The following ANXA6 variants were observed in gnomAD, a reference collection of about 807,000 sequenced individuals.
ANXA6 encodes 67 kDa calelectrin.
In ANXA6, 71 loss-of-function variants were observed where a neutral mutation model predicts 95.4. The observed-to-expected ratio is 0.74, with a 90% CI of 0.61 to 0.91. The LOEUF (loss-of-function observed/expected upper bound fraction) is 0.91, where lower values mean the gene tolerates loss of function less well. Ranked by LOEUF, ANXA6 falls within the 40% of genes least tolerant of loss-of-function variation. ANXA6 has a pLI of 0.00. For synonymous variants in ANXA6, 289 were observed against 315.9 expected (o/e 0.91, Z 0.90); for missense variants, 830 against 876.4 (o/e 0.95, Z 0.67).
rs542316446 is a variant in ANXA6 at position 151,136,445 on chromosome 5, C to A, written c.410-110G>T. Reference sequence around the variant, plus strand: ...CAGATATTTTTAAGAATTCCAAAACCCAGTCTACACGTCCATCATGGCAAG... The same window carrying A: ...CAGATATTTTTAAGAATTCCAAAACACAGTCTACACGTCCATCATGGCAAG... On this transcript the variant is annotated intron_variant, in intron 6 of 25. Coordinates refer to ENST00000354546, the MANE Select transcript of ANXA6 (RefSeq NM_001155.5). The A allele has an allele frequency of 2.4e-4, 232 of 975,960 alleles. 1 individual carries two copies. The South Asian group carries it at 3.3e-3, about 14-fold the overall frequency. 60.5% of individuals were successfully genotyped at this position (975,960 alleles called of 1,614,324 possible).
At chr5:151,127,017 C>G (rs1443199160) in intron 13 of ANXA6, among the ~76,000 whole-genome samples, 1 of 152,238 alleles carries the variant, frequency 6.6e-6, no homozygotes, top group Non-Finnish European at 1.5e-5. Flanking sequence ...TGTGTCCGGC[C>G]AATGCTGGCT....
At chr5:151,154,570 C>T (rs1211750007) in intron 1 of ANXA6, among the ~76,000 whole-genome samples, 4 of 152,262 alleles carry the variant, frequency 2.6e-5, no homozygotes, top group Admixed American at 6.5e-5. Flanking sequence ...GCTTCTCCCC[C>T]GGTCTGCAGG....
At chr5:151,121,876 G>T (rs1370691088) in intron 17 of ANXA6, among the ~76,000 whole-genome samples, 1 of 152,230 alleles carries the variant, frequency 6.6e-6, no homozygotes, top group East Asian at 1.9e-4. Flanking sequence ...GAGAAAGGCT[G>T]CCTGAGAGTG....
chr5:151,109,685 G>A, intron 22 of ANXA6, 68 bp downstream of exon 22: 1 of 1,293,316 alleles, frequency 7.7e-7, no homozygotes, highest in Non-Finnish European at 1.1e-6. Flanking sequence ...GCCACAGAGA[G>A]CTGAGAGGCT....
rs577596241 is a variant in ANXA6, at chr5:151,115,693, C to G, written c.1572+1434G>C. ...ATGAGTGAATGAAATGTGGCCTCAG[C>G]AAGCCACCCTAGTGTCTGGCTGGGT... On this transcript the variant is annotated intron_variant, in intron 20 of 25. Coordinates refer to ENST00000354546, the MANE Select transcript of ANXA6 (RefSeq NM_001155.5). 1.4e-4 allele frequency among the ~76,000 whole-genome samples: 22 copies of G among 152,340 alleles called. No individual in the cohort carries two copies. The South Asian group carries it at 4.4e-3, about 30-fold the overall frequency.
rs1159625470 is a variant in ANXA6 at position 151,119,318 on chromosome 5, T to A, written c.1420A>T (p.Asn474Tyr). The change falls in exon 18 of 26, where the codon AAT becomes TAT. Residue 474 changes from asparagine to tyrosine, a missense_variant. Transcript: ENST00000354546. ...TRTNAEIRAINEAYKEDYHKS... is the reference protein window; with the variant it reads ...TRTNAEIRAIYEAYKEDYHKS... ...AACTCACCCTCCTTATAGGCCTCATTGATGGCCCGGATTTCAGCATTGGTC... is the reference window on the plus strand; with the variant it reads ...AACTCACCCTCCTTATAGGCCTCATAGATGGCCCGGATTTCAGCATTGGTC... The A allele has an allele frequency of 1.2e-6, 2 of 1,613,240 alleles. No individual in the cohort carries two copies. Among genetic ancestry groups the A allele is most frequent in the Admixed American group, 3.3e-5 (2 of 60,000 alleles).
intron 23 of ANXA6, among the ~76,000 whole-genome samples, chr5:151,105,785 T>C (rs952867082): frequency 6.6e-6 from 1 of 152,202 alleles, no homozygotes; most frequent in African/African-American, 2.4e-5. Flanking sequence ...TTCTCATGCC[T>C]CAGATTCCAG....
intron 20 of ANXA6, among the ~76,000 whole-genome samples, chr5:151,116,011 A>G (rs895243879): frequency 3.3e-5 from 5 of 152,260 alleles, no homozygotes; most frequent in Non-Finnish European, 5.9e-5. Flanking sequence ...ATTTTCTTCT[A>G]GTAAAAAGGG....
rs57908704 is a variant in ANXA6, at chr5:151,137,589, C to G, written c.319-268G>C. On this transcript the variant is annotated intron_variant, in intron 5 of 25. Coordinates refer to ENST00000354546, the MANE Select transcript of ANXA6 (RefSeq NM_001155.5). ...GTGGGAGGTGGTTGGATCATGGGGG[C>G]GGTTTCTCATGAATAGTTAGCACCA... Among the ~76,000 whole-genome samples the G allele has an allele frequency of 3.8e-3, 575 of 152,200 alleles. 2 individuals carry two copies. The highest frequency in any genetic ancestry group is 0.013 in the African/African-American group (536 of 41,508).
At chr5:151,113,636 G>A (rs1764915250) in intron 20 of ANXA6, among the ~76,000 whole-genome samples, 3 of 152,058 alleles carry the variant, frequency 2.0e-5, no homozygotes, top group Non-Finnish European at 1.5e-5. Context: ...AATAATATCT[G>A]TAATGTAAAA....
At chr5:151,146,915 C>A (rs1765989250) in intron 2 of ANXA6, among the ~76,000 whole-genome samples, 1 of 152,198 alleles carries the variant, frequency 6.6e-6, no homozygotes, top group East Asian at 1.9e-4. Flanking sequence ...GCCTCCTAAG[C>A]AGCTGGGACT....
intron 2 of ANXA6, among the ~76,000 whole-genome samples, chr5:151,144,158 G>A (rs1429204483): frequency 2.6e-5 from 4 of 152,180 alleles, no homozygotes; most frequent in Admixed American, 6.5e-5. Flanking sequence ...CCTAAGTCAG[G>A]ACCTGGGTAA....
intron 14 of ANXA6, among the ~76,000 whole-genome samples, 169 bp from the exon 15 acceptor site, chr5:151,124,536 TGA>T (rs56708608): frequency 1.1e-3 from 154 of 146,200 alleles, no homozygotes; most frequent in Middle Eastern, 3.5e-3. Flanking sequence ...GCACGAGAGC[TGA>T]GAGAGAGAGA....
chr5:151,109,539 C>A (rs1039217039), intron 22 of ANXA6, among the ~76,000 whole-genome samples: 1 of 152,166 alleles, frequency 6.6e-6, no homozygotes, highest in Non-Finnish European at 1.5e-5. Flanking sequence ...ATCCCACCTG[C>A]TTCCCTAAGG....
intron 25 of ANXA6, among the ~76,000 whole-genome samples, chr5:151,103,303 T>G (rs1378278905): frequency 6.6e-6 from 1 of 152,204 alleles, no homozygotes; most frequent in Non-Finnish European, 1.5e-5. Context: ...GCCCATGATA[T>G]GTAAGTTATA....
At chr5:151,107,041 C>G (rs973817380) in intron 23 of ANXA6, among the ~76,000 whole-genome samples, 1 of 152,166 alleles carries the variant, frequency 6.6e-6, no homozygotes, top group South Asian at 2.1e-4. Flanking sequence ...GGTAGGCAGC[C>G]TGTGGTTTGA....
At chr5:151,149,012 T>TA (rs58207594) in intron 1 of ANXA6, among the ~76,000 whole-genome samples, 3 of 147,932 alleles carry the variant, frequency 2.0e-5, no homozygotes, top group Admixed American at 6.7e-5. Context: ...CGATCTCTAT[T>TA]AAAAAAAAAT....
intron 5 of ANXA6, among the ~76,000 whole-genome samples, chr5:151,138,176 G>A (rs1457997735): frequency 3.9e-5 from 6 of 151,988 alleles, no homozygotes; most frequent in Non-Finnish European, 8.8e-5. Flanking sequence ...TTTCCTAGGG[G>A]GCAATTCTCT....
intron 2 of ANXA6, among the ~76,000 whole-genome samples, chr5:151,143,656 A>G (rs946345274): frequency 1.3e-5 from 2 of 152,168 alleles, no homozygotes; most frequent in Admixed American, 1.3e-4. Flanking sequence ...CATGGGACCC[A>G]GGAAATATTT....
Sources: gnomAD v4.1 joint callset for allele counts (sites outside exome capture counted in the v4.1 genomes callset) on GRCh38, gnomAD v4.1.1 for gene constraint, MANE v1.5 for transcripts, NCBI Gene and HGNC (gene_info 2026-07-23, HGNC 2026-07-21) for gene names.